Variants in NRG1 observed in about 807,000 individuals in gnomAD.
NRG1 encodes neuregulin 1.
NRG1 carries 18 observed loss-of-function variants against 63.8 expected under a neutral mutation model. The ratio of observed to expected loss-of-function variants is 0.28; its 90% CI spans 0.19 to 0.42. NRG1 has a LOEUF of 0.42. Among genes scored for constraint, NRG1 ranks in the 10% least tolerant of loss-of-function variants. The pLI is 1.00. For synonymous variants in NRG1, 302 were observed against 301.3 expected (o/e 1.00, Z -0.02); for missense variants, 762 against 814.7 (o/e 0.94, Z 0.79).
intron 1 of NRG1, among the ~76,000 whole-genome samples, chr8:31,742,577 A>G (rs1285920070): frequency 6.8e-6 from 1 of 147,156 alleles, no homozygotes. Flanking sequence ...ACTTTTCCCT[A>G]TCATGTCTTG....
chr8:32,250,557 T>C (rs1848996149), intron 1 of NRG1, among the ~76,000 whole-genome samples: 2 of 80,954 alleles, frequency 2.5e-5, no homozygotes, highest in Admixed American at 1.6e-4. Flanking sequence ...TATTTCATTT[T>C]TTTATAGCTT....
chr8:32,079,908 G>A (rs1827183626), intron 1 of NRG1, among the ~76,000 whole-genome samples: 1 of 152,060 alleles, frequency 6.6e-6, no homozygotes, highest in East Asian at 1.9e-4. Flanking sequence ...CATTTGAGAA[G>A]TTGTATATTA....
intron 1 of NRG1, among the ~76,000 whole-genome samples, chr8:31,810,109 A>G (rs1409933242): frequency 1.3e-5 from 2 of 152,096 alleles, no homozygotes; most frequent in African/African-American, 4.8e-5. Context: ...TTCTACATCC[A>G]ATGTATGAAC....
At chr8:32,721,604 A>G (rs1347890736) in intron 5 of NRG1, 4 of 163,868 alleles carry the variant, frequency 2.4e-5, no homozygotes, top group Non-Finnish European at 3.9e-5. Context: ...GGCTCTGGGA[A>G]CCTCCAACTC....
Position 32,257,153 on chromosome 8 carries a change from C to T in NRG1, c.38-338675C>T, listed in dbSNP as rs565449498. 1.0e-3 allele frequency among the ~76,000 whole-genome samples: 155 copies of T among 152,200 alleles called. 1 individual carries two copies. Among genetic ancestry groups the T allele is most frequent in the African/African-American group, 3.4e-3 (142 of 41,530 alleles). ...CCTCCCCTAACCAAGCTAGAGTGTCCCAGGTGGACTTCAGACTGCTATGCT... is the reference window on the plus strand; with the variant it reads ...CCTCCCCTAACCAAGCTAGAGTGTCTCAGGTGGACTTCAGACTGCTATGCT... On this transcript the variant is annotated intron_variant, in intron 1 of 10. Transcript: ENST00000519301.
intron 1 of NRG1, among the ~76,000 whole-genome samples, chr8:32,217,419 C>A (rs538303044): frequency 1.3e-5 from 2 of 152,088 alleles, no homozygotes; most frequent in East Asian, 3.9e-4. Context: ...AGTCAGTCAA[C>A]AGAACACCAG....
intron 1 of NRG1, among the ~76,000 whole-genome samples, chr8:31,930,437 T>C (rs538792906): frequency 1.2e-3 from 179 of 152,280 alleles, no homozygotes; most frequent in Middle Eastern, 6.8e-3. Flanking sequence ...GATACAATGA[T>C]TTGGCAAAGT....
At chr8:32,023,239 C>G (rs373943193) in intron 1 of NRG1, among the ~76,000 whole-genome samples, 36 of 152,326 alleles carry the variant, frequency 2.4e-4, no homozygotes, top group South Asian at 8.3e-4. Flanking sequence ...TCACACTGTT[C>G]TGATTTCCTG....
chr8:31,801,262 GA>G (rs1385385324), intron 1 of NRG1, among the ~76,000 whole-genome samples: 1 of 151,988 alleles, frequency 6.6e-6, no homozygotes, highest in South Asian at 2.1e-4. Flanking sequence ...AATTATTTTA[GA>G]AAAAACAGCC....
At chr8:31,841,866 C>A (rs1266618676) in intron 1 of NRG1, among the ~76,000 whole-genome samples, 1 of 152,124 alleles carries the variant, frequency 6.6e-6, no homozygotes, top group Non-Finnish European at 1.5e-5. Context: ...CATCAGGCTG[C>A]AGAGTTTTAG....
intron 2 of NRG1, 31 bp downstream of exon 2, chr8:32,596,036 G>A: frequency 6.5e-7 from 1 of 1,532,964 alleles, no homozygotes; most frequent in African/African-American, 1.4e-5. Context: ...AGTAGAGACT[G>A]CCCCCAGCAA....
chr8:31,737,194 C>T (rs577762108), intron 1 of NRG1, among the ~76,000 whole-genome samples: 1 of 152,042 alleles, frequency 6.6e-6, no homozygotes, highest in Non-Finnish European at 1.5e-5. Flanking sequence ...ATTTGATACA[C>T]CTTCTCCAGT....
chr8:32,147,002 T>C (rs1836938279), intron 1 of NRG1, among the ~76,000 whole-genome samples: 2 of 152,148 alleles, frequency 1.3e-5, no homozygotes, highest in Non-Finnish European at 2.9e-5. Context: ...TCTAGAAAAA[T>C]GTGTACATAC....
In NRG1 at chr8:31,695,044, A is replaced by G. The variant is rs147562059; in HGVS notation, c.37+55613A>G. ...TGACTCACAGTTCTGCAGGCTGTAC[A>G]GGAAGCATGGTTGGGGAGCCCTCAG... On this transcript the variant is annotated intron_variant, in intron 1 of 10. Coordinates refer to the NRG1 transcript ENST00000519301. Among the ~76,000 whole-genome samples the G allele has an allele frequency of 4.5e-3, 692 of 152,354 alleles. 9 individuals are homozygous for G. Among genetic ancestry groups the G allele is most frequent in the African/African-American group, 0.016 (648 of 41,586 alleles).
chr8:31,824,166 C>T (rs1275759312), intron 1 of NRG1, among the ~76,000 whole-genome samples: 1 of 116,204 alleles, frequency 8.6e-6, no homozygotes, highest in Non-Finnish European at 1.7e-5. Context: ...ATCCTTCCCC[C>T]CTCCCCCCTC....
intron 1 of NRG1, among the ~76,000 whole-genome samples, chr8:31,976,662 G>GGT (rs55763806): frequency 0.055 from 8,289 of 150,382 alleles, 278 homozygotes; most frequent in Non-Finnish European, 0.076. Flanking sequence ...ATCTGCCATG[G>GGT]GTGTGTGTGT....
intron 1 of NRG1, among the ~76,000 whole-genome samples, chr8:32,343,065 C>A (rs1185900895): frequency 6.6e-6 from 1 of 152,096 alleles, no homozygotes; most frequent in African/African-American, 2.4e-5. Flanking sequence ...ACAGTCTGTT[C>A]TAAAGAGAAA....
At chr8:32,095,998 G>A (rs1178060745) in intron 1 of NRG1, among the ~76,000 whole-genome samples, 2 of 152,168 alleles carry the variant, frequency 1.3e-5, no homozygotes, top group Non-Finnish European at 2.9e-5. Flanking sequence ...GGAGATCTGA[G>A]TAACAAGAAG....
At chr8:31,660,884 T>C (rs951886945) in intron 1 of NRG1, among the ~76,000 whole-genome samples, 1 of 152,340 alleles carries the variant, frequency 6.6e-6, no homozygotes, top group East Asian at 1.9e-4. Context: ...CATTTATTCT[T>C]TTAAATTCAT....
Sources: allele counts gnomAD v4.1 joint callset (sites outside exome capture counted in the v4.1 genomes callset), GRCh38; gene constraint gnomAD v4.1.1; transcripts MANE v1.5; gene names NCBI Gene and HGNC (gene_info 2026-07-23, HGNC 2026-07-21).